Variants in EPS8 observed in about 807,000 individuals in gnomAD.
EPS8 encodes epidermal growth factor receptor kinase substrate 8.
A neutral mutation model predicts 103.8 loss-of-function variants in EPS8; 42 were observed. The observed-to-expected ratio is 0.40, with a 90% CI of 0.32 to 0.52. EPS8 has a LOEUF of 0.52. Ranked by LOEUF, EPS8 falls within the 20% of genes least tolerant of loss-of-function variation. The pLI is 0.40. For missense variants in EPS8, 969 were observed against 1,005.1 expected (o/e 0.96, Z 0.49); for synonymous variants, 344 against 344.6 (o/e 1.00, Z 0.02).
Position 15,760,421 on chromosome 12 carries a change from T to A in EPS8, c.-22+28740A>T, listed in dbSNP as rs1427318513. ...TCCTACTCAAACTATTCTGAAAACA[T>A]AGAGGAGAGGGTAATACTTCCAAAC... is the stretch of plus-strand genomic sequence containing the variant. On this transcript the variant is annotated intron_variant, in intron 1 of 20. Transcript: ENST00000281172. The surrounding 1 kb of genome is among the most constrained non-coding windows in gnomAD (Gnocchi z 4.5). Among the ~76,000 whole-genome samples, 1 of 151,940 alleles carries A rather than the reference T, an allele frequency of 6.6e-6. No individual in the cohort carries two copies. Among genetic ancestry groups the A allele is most frequent in the Non-Finnish European group, 1.5e-5 (1 of 67,940 alleles).
At chr12:15,739,400 G>GT (rs1197575305) in intron 1 of EPS8, among the ~76,000 whole-genome samples, 7 of 152,120 alleles carry the variant, frequency 4.6e-5, no homozygotes, top group African/African-American at 1.7e-4. Flanking sequence ...CTGTGACGGT[G>GT]TTTCTGGGAG....
At chr12:15,643,538 G>A (rs1487923467) in intron 15 of EPS8, among the ~76,000 whole-genome samples, 2 of 152,050 alleles carry the variant, frequency 1.3e-5, no homozygotes, top group East Asian at 3.9e-4. Flanking sequence ...TCAGGAGTTT[G>A]AGACCAGCCT....
At position 15,743,576 on chromosome 12, in the gene EPS8, G is replaced by A. The variant is rs373593871; in HGVS notation, c.-22+45585C>T. 1.1e-3 allele frequency among the ~76,000 whole-genome samples: 167 copies of A among 152,062 alleles called. 1 individual carries two copies. Among genetic ancestry groups the A allele is most frequent in the African/African-American group, 3.8e-3 (157 of 41,454 alleles). On this transcript the variant is annotated intron_variant, in intron 1 of 20. Coordinates refer to ENST00000281172, the MANE Select transcript of EPS8 (RefSeq NM_004447.6). ...TACCAAAACAGAGATATAGACCAAC[G>A]GAACAGAATAGAGCCCTGAGAAATA...
intron 7 of EPS8, 28 bp downstream of exon 7, chr12:15,666,412 A>T: frequency 2.6e-6 from 4 of 1,536,370 alleles, no homozygotes; most frequent in Non-Finnish European, 2.7e-6. Flanking sequence ...AATCAATTCC[A>T]CTCCTTGATT....
intron 1 of EPS8, among the ~76,000 whole-genome samples, chr12:15,743,001 A>G (rs555040903): frequency 7.2e-5 from 11 of 152,348 alleles, no homozygotes; most frequent in Middle Eastern, 3.4e-3. Flanking sequence ...ATGATTGTCT[A>G]TCTAGAAAAC....
rs1591926511 is a variant in EPS8 at position 15,762,329 on chromosome 12, G to A, written c.-22+26832C>T. Among the ~76,000 whole-genome samples the A allele has an allele frequency of 6.6e-6, 1 of 152,174 alleles. No individual in the cohort carries two copies. The highest frequency in any genetic ancestry group is 1.9e-4 in the East Asian group (1 of 5,196). On this transcript the variant is annotated intron_variant, in intron 1 of 20. Transcript: ENST00000281172. The surrounding 1 kb of genome is among the most constrained non-coding windows in gnomAD (Gnocchi z 4.8). ...AGAGAAAAGGGAACCCTCATACACT[G>A]TTGGTGGCGATGTAAATTACTGCAA...
At chr12:15,746,856 C>A (rs1195079128) in intron 1 of EPS8, among the ~76,000 whole-genome samples, 2 of 152,126 alleles carry the variant, frequency 1.3e-5, no homozygotes, top group East Asian at 3.8e-4. Context: ...AGCATATACT[C>A]CTACTGTCCA....
chr12:15,777,396 C>A lies in EPS8; in HGVS notation c.-22+11765G>T, dbSNP rs1451792275. Among the ~76,000 whole-genome samples, 3 of 152,126 alleles carry A rather than the reference C, an allele frequency of 2.0e-5. No homozygotes were observed. Among genetic ancestry groups the A allele is most frequent in the Non-Finnish European group, 2.9e-5 (2 of 68,014 alleles). On this transcript the variant is annotated intron_variant, in intron 1 of 20. Coordinates refer to ENST00000281172, the MANE Select transcript of EPS8 (RefSeq NM_004447.6). This position sits in a 1 kb window ranked among gnomAD's most constrained non-coding sequence, Gnocchi z 4.7. ...AAACTGAATGGTGTTAAGATGCATT[C>A]CAGTTAAAGTTAAGCACTGTTAACA...
intron 15 of EPS8, among the ~76,000 whole-genome samples, chr12:15,645,082 T>C (rs922857851): frequency 5.3e-5 from 8 of 152,086 alleles, no homozygotes; most frequent in Non-Finnish European, 1.2e-4. Context: ...TTTCTATTTT[T>C]ATATTTTATT....
At chr12:15,670,283 T>C (rs947593924) in intron 4 of EPS8, among the ~76,000 whole-genome samples, 2 of 152,178 alleles carry the variant, frequency 1.3e-5, no homozygotes, top group Non-Finnish European at 2.9e-5. Flanking sequence ...ACTGTCAAAC[T>C]ATTCAATCCA....
intron 1 of EPS8, chr12:15,782,031 C>A (rs1947265578): frequency 6.6e-6 from 1 of 152,084 alleles, no homozygotes; most frequent in Non-Finnish European, 1.5e-5. Context: ...TTGGAGAGGA[C>A]AAATATGTAA....
In EPS8 at chr12:15,779,845, C is replaced by T. The variant is rs2136053143; in HGVS notation, c.-22+9316G>A. ...TAACAAGTTATTTTTTAGTACATTC[C>T]TAAATAGTATGTTTCAGGTTCTGTT... On this transcript the variant is annotated intron_variant, in intron 1 of 20. Transcript: ENST00000281172. The surrounding 1 kb of genome is among the most constrained non-coding windows in gnomAD (Gnocchi z 4.3). 2.0e-5 allele frequency among the ~76,000 whole-genome samples: 3 copies of T among 152,122 alleles called. No individual in the cohort carries two copies. The South Asian group carries it at 6.2e-4, about 32-fold the overall frequency.
chr12:15,665,980 A>T, intron 7 of EPS8, 88 bp from the exon 8 acceptor site: 2 of 1,349,170 alleles, frequency 1.5e-6, no homozygotes, highest in Non-Finnish European at 2.1e-6. Flanking sequence ...AGTTATTAAA[A>T]TTCAAAAAGA....
rs940569394 is a variant in EPS8 at position 15,771,721 on chromosome 12, AAAAAAGAAAAG to A, written c.-22+17429_-22+17439del. Among the ~76,000 whole-genome samples the A allele has an allele frequency of 7.9e-5, 12 of 152,100 alleles. 1 individual carries two copies. The highest frequency in any genetic ancestry group is 1.3e-4 in the Non-Finnish European group (9 of 68,010). Reference sequence around the variant, plus strand: ...ACAGAACAAGACTGTCTCTTAAAAAAAAAAAGAAAAGAAAAAGAAAAGAAATTCTTCCTAGA... The same window carrying A: ...ACAGAACAAGACTGTCTCTTAAAAAAAAAAAGAAAAGAAATTCTTCCTAGA... On this transcript the variant is annotated intron_variant, in intron 1 of 20. Transcript: ENST00000281172. This position sits in a 1 kb window ranked among gnomAD's most constrained non-coding sequence, Gnocchi z 4.6.
intron 1 of EPS8, among the ~76,000 whole-genome samples, chr12:15,741,423 A>G (rs1027474198): frequency 1.3e-5 from 2 of 152,134 alleles, no homozygotes; most frequent in African/African-American, 2.4e-5. Flanking sequence ...TCAGGTACCA[A>G]GCGAATCCTG....
At position 15,777,542 on chromosome 12, in the gene EPS8, A is replaced by C. The variant is rs1427478155; in HGVS notation, c.-22+11619T>G. On this transcript the variant is annotated intron_variant, in intron 1 of 20. Transcript: ENST00000281172. The surrounding 1 kb of genome is among the most constrained non-coding windows in gnomAD (Gnocchi z 4.7). ...GGCTTCAATCCCTCCTTTGTTTCAA[A>C]CCCCCTAGCAGCCTAAACTTAACCT... Among the ~76,000 whole-genome samples the C allele has an allele frequency of 6.6e-6, 1 of 152,078 alleles. No individual in the cohort carries two copies. The highest frequency in any genetic ancestry group is 1.5e-5 in the Non-Finnish European group (1 of 68,008).
At chr12:15,650,412 G>A (rs757131183) in intron 14 of EPS8, among the ~76,000 whole-genome samples, 1 of 152,198 alleles carries the variant, frequency 6.6e-6, no homozygotes, top group Non-Finnish European at 1.5e-5. Flanking sequence ...ACAGGTTAGA[G>A]GATCTAGGTT....
rs1272805917 is a variant in EPS8, at chr12:15,767,514, G to T, written c.-22+21647C>A. The stretch of plus-strand genomic sequence containing the variant: ...CACCCTACTGAATGGAACACAGGAA[G>T]TTGACAGTATCAGGTCAGTCTTAGG... On this transcript the variant is annotated intron_variant, in intron 1 of 20. Transcript: ENST00000281172. The surrounding 1 kb of genome is among the most constrained non-coding windows in gnomAD (Gnocchi z 5.5). Among the ~76,000 whole-genome samples the T allele has an allele frequency of 6.6e-6, 1 of 152,190 alleles. No individual in the cohort carries two copies. Among genetic ancestry groups the T allele is most frequent in the East Asian group, 1.9e-4 (1 of 5,196 alleles).
At chr12:15,703,448 T>A (rs961588851) in intron 1 of EPS8, among the ~76,000 whole-genome samples, 8 of 151,902 alleles carry the variant, frequency 5.3e-5, no homozygotes, top group African/African-American at 1.7e-4. Flanking sequence ...CAGTGAGGAG[T>A]GCACCAGTTG....
Sources: allele counts gnomAD v4.1 joint callset (sites outside exome capture counted in the v4.1 genomes callset), GRCh38; gene constraint gnomAD v4.1.1; non-coding constraint Gnocchi (gnomAD v3.1); transcripts MANE v1.5; gene names NCBI Gene and HGNC (gene_info 2026-07-23, HGNC 2026-07-21).